CWF19L2: variants seen among roughly 807,000 people sequenced by gnomAD.
CWF19L2 encodes the protein CWF19 like cell cycle control factor 2.
Under a neutral mutation model 111.7 loss-of-function variants are expected in CWF19L2, and 98 were observed. The observed-to-expected ratio is 0.88, with a 90% CI of 0.75 to 1.04. The LOEUF (loss-of-function observed/expected upper bound fraction) is 1.04. CWF19L2 is among the 50% of genes least tolerant of loss of function. CWF19L2 has a pLI of 0.00. For synonymous variants in CWF19L2, 351 were observed against 342.9 expected (o/e 1.02, Z -0.26); for missense variants, 1,101 against 1,051.4 (o/e 1.05, Z -0.65).
chr11:107,428,736 A>C (rs1281768690), intron 8 of CWF19L2, 63 bp downstream of exon 8: 1 of 1,283,926 alleles, frequency 7.8e-7, no homozygotes, highest in Non-Finnish European at 1.1e-6. Flanking sequence ...TGTTCTAAAA[A>C]TACAGTTCTG....
intron 3 of CWF19L2, 44 bp from the exon 4 acceptor site, chr11:107,443,093 C>G (rs1451598006): frequency 7.8e-7 from 1 of 1,289,320 alleles, no homozygotes; most frequent in East Asian, 2.5e-5. Context: ...AATTTGCATA[C>G]TTTGATATAA....
rs1860480598 is a variant in CWF19L2, at chr11:107,369,618, A to G, written c.1873-15882T>C. Among the ~76,000 whole-genome samples the G allele has an allele frequency of 2.2e-5, 3 of 138,296 alleles. 1 individual carries two copies. The highest frequency in any genetic ancestry group is 2.1e-4 in the Admixed American group (3 of 14,116). 90.7% of individuals were successfully genotyped at this position (138,296 alleles called of 152,430 possible). A position where few individuals can be genotyped will look rare whatever the true frequency, so the allele number is the denominator to read the frequency against. ...TGTATATTGCATTATTTTGATGTCA[A>G]AATATTCACAATAATTTATTACTAG... On this transcript the variant is annotated intron_variant, in intron 12 of 17. Coordinates refer to ENST00000282251, the MANE Select transcript of CWF19L2 (RefSeq NM_152434.3).
At chr11:107,351,930 G>A (rs1860161477) in intron 13 of CWF19L2, among the ~76,000 whole-genome samples, 1 of 152,166 alleles carries the variant, frequency 6.6e-6, no homozygotes, top group Admixed American at 6.5e-5. Context: ...GCTGTCTTAA[G>A]CCACTAAATT....
At chr11:107,348,261 G>C (rs904048295) in intron 14 of CWF19L2, among the ~76,000 whole-genome samples, 1 of 151,708 alleles carries the variant, frequency 6.6e-6, no homozygotes, top group Non-Finnish European at 1.5e-5. Context: ...TCTAATTAAG[G>C]CTCCCTGTAG....
At chr11:107,388,813 C>T (rs1012550930) in intron 12 of CWF19L2, among the ~76,000 whole-genome samples, 4 of 152,148 alleles carry the variant, frequency 2.6e-5, no homozygotes, top group African/African-American at 4.8e-5. Flanking sequence ...GAAAAGGAAA[C>T]TCTAATAAAA....
intron 10 of CWF19L2, 105 bp from the exon 11 acceptor site, chr11:107,393,000 C>A: frequency 1.5e-6 from 1 of 681,500 alleles, no homozygotes; most frequent in Non-Finnish European, 2.4e-6. Context: ...TTCCACATAA[C>A]GTTGTGGATT....
At chr11:107,344,008 A>C (rs1860042875) in intron 14 of CWF19L2, among the ~76,000 whole-genome samples, 1 of 152,200 alleles carries the variant, frequency 6.6e-6, no homozygotes, top group African/African-American at 2.4e-5. Flanking sequence ...TGAGGCCAGG[A>C]GTTCAAGACC....
chr11:107,370,603 G>A (rs1860493933), intron 12 of CWF19L2, among the ~76,000 whole-genome samples: 1 of 135,166 alleles, frequency 7.4e-6, no homozygotes, highest in South Asian at 2.5e-4. Context: ...CACTGAGGTC[G>A]AGTCACAGAA....
At chr11:107,388,132 T>G (rs1249457100) in intron 12 of CWF19L2, among the ~76,000 whole-genome samples, 1 of 152,172 alleles carries the variant, frequency 6.6e-6, no homozygotes, top group Non-Finnish European at 1.5e-5. Context: ...TGGAAAGACT[T>G]TCCCTCAGCA....
intron 10 of CWF19L2, chr11:107,403,692 G>T: frequency 5.1e-6 from 4 of 787,768 alleles, no homozygotes; most frequent in Admixed American, 1.7e-5. Flanking sequence ...ATGCTGCCCT[G>T]ACTGCACTCG....
intron 14 of CWF19L2, among the ~76,000 whole-genome samples, chr11:107,347,814 T>C (rs181360698): frequency 3.3e-5 from 5 of 152,324 alleles, no homozygotes; most frequent in African/African-American, 1.2e-4. Context: ...GCAGCTTGAT[T>C]TCTTATAGAA....
chr11:107,433,299 T>C (rs144665093), intron 7 of CWF19L2, among the ~76,000 whole-genome samples: 5 of 152,234 alleles, frequency 3.3e-5, no homozygotes, highest in Admixed American at 6.5e-5. Flanking sequence ...CTCTAGAATA[T>C]ACCTAACTCT....
intron 7 of CWF19L2, among the ~76,000 whole-genome samples, chr11:107,432,480 G>C (rs1189145270): frequency 6.6e-6 from 1 of 152,168 alleles, no homozygotes; most frequent in Non-Finnish European, 1.5e-5. Context: ...CTACTTGGGA[G>C]GCTGAGGCAA....
rs117945519 is a variant in CWF19L2 at position 107,397,891 on chromosome 11, G to C, written c.1618-4996C>G. ...CAGCCCATAGCCAGGTAAACTTGCT[G>C]GGTGGCTAGACCCAGAAGACAGACA... On this transcript the variant is annotated intron_variant, in intron 10 of 17. Transcript: ENST00000282251. Among the ~76,000 whole-genome samples, 1,273 of 152,258 alleles carry C rather than the reference G, an allele frequency of 8.4e-3. 5 individuals carry two copies. The highest frequency in any genetic ancestry group is 0.012 in the Non-Finnish European group (836 of 68,018).
Position 107,344,243 on chromosome 11 carries a change from TTGGC to T in CWF19L2, c.2202+4690_2202+4693del, listed in dbSNP as rs1355152412. Among the ~76,000 whole-genome samples, 5 of 152,170 alleles carry T rather than the reference TTGGC, an allele frequency of 3.3e-5. No individual in the cohort carries two copies. The South Asian group carries it at 8.3e-4, about 25-fold the overall frequency. On this transcript the variant is annotated intron_variant, in intron 14 of 17. Coordinates refer to ENST00000282251, the MANE Select transcript of CWF19L2 (RefSeq NM_152434.3). ...AAGTTTCTGGGGCTGCCAGCATTTC[TTGGC>T]TAGTGGCTGCATCATTTCAGTCTCT...
At chr11:107,403,833 T>C (rs1251337276) in intron 10 of CWF19L2, 8 of 816,516 alleles carry the variant, frequency 9.8e-6, no homozygotes, top group South Asian at 9.6e-5. Context: ...TTAAGTTCAT[T>C]GTTAAGTGAA....
rs61906038 is a variant in CWF19L2, at chr11:107,387,462, C to A, written c.1872+2612G>T. The stretch of plus-strand genomic sequence containing the variant: ...TTGCTAAAAACAAAACAAAACAAAA[C>A]AAAACAAAAAACAAAAAAAACCTTC... On this transcript the variant is annotated intron_variant, in intron 12 of 17. Coordinates refer to ENST00000282251, the MANE Select transcript of CWF19L2 (RefSeq NM_152434.3). Among the ~76,000 whole-genome samples, 229 of 97,848 alleles carry A rather than the reference C, an allele frequency of 2.3e-3. 1 individual carries two copies. Among genetic ancestry groups the A allele is most frequent in the African/African-American group, 9.2e-3 (213 of 23,188 alleles). 64.2% of individuals were successfully genotyped at this position (97,848 alleles called of 152,430 possible).
At chr11:107,455,938 A>C (rs1861848203) in intron 1 of CWF19L2, among the ~76,000 whole-genome samples, 162 bp from the exon 2 acceptor site, 2 of 152,204 alleles carry the variant, frequency 1.3e-5, no homozygotes, top group Non-Finnish European at 2.9e-5. Flanking sequence ...AAAAAAATAA[A>C]AAAATAAATA....
chr11:107,347,308 G>C (rs1163853347), intron 14 of CWF19L2, among the ~76,000 whole-genome samples: 2 of 151,880 alleles, frequency 1.3e-5, no homozygotes, highest in Admixed American at 1.3e-4. Flanking sequence ...TGCAACATTT[G>C]GCAACAACAT....
Sources: allele counts gnomAD v4.1 joint callset (sites outside exome capture counted in the v4.1 genomes callset), GRCh38; gene constraint gnomAD v4.1.1; transcripts MANE v1.5; gene names NCBI Gene and HGNC (gene_info 2026-07-23, HGNC 2026-07-21).